CDH13: variants seen among roughly 807,000 people sequenced by gnomAD.
CDH13 encodes cadherin 13, also known as cadherin-13.
Under a neutral mutation model 63.8 loss-of-function variants are expected in CDH13, and 24 were observed. The observed-to-expected ratio is 0.38, with a 90% CI of 0.27 to 0.53. CDH13 has a LOEUF of 0.53. CDH13 is among the 20% of genes least tolerant of loss of function. The pLI is 0.85. For missense variants in CDH13, 1,049 were observed against 903.1 expected (o/e 1.16, Z -2.07); for synonymous variants, 503 against 355.3 (o/e 1.42, Z -4.67).
At chr16:83,219,857 T>G (rs1326155262) in intron 5 of CDH13, among the ~76,000 whole-genome samples, 1 of 152,210 alleles carries the variant, frequency 6.6e-6, no homozygotes, top group Non-Finnish European at 1.5e-5. Context: ...TCATGTATCT[T>G]TTATTCTAGT....
chr16:83,284,184 T>C (rs1486357016), intron 5 of CDH13, among the ~76,000 whole-genome samples: 2 of 152,300 alleles, frequency 1.3e-5, no homozygotes, highest in South Asian at 2.1e-4. Context: ...TGGGGAAGTG[T>C]TGGACTTTGG....
At chr16:83,219,611 G>T (rs190509022) in intron 5 of CDH13, among the ~76,000 whole-genome samples, 2 of 152,270 alleles carry the variant, frequency 1.3e-5, no homozygotes, top group Non-Finnish European at 2.9e-5. Flanking sequence ...GTGAAGGAAG[G>T]TAAGTGAAAA....
At chr16:83,084,257 G>C (rs1318718624) in intron 3 of CDH13, among the ~76,000 whole-genome samples, 1 of 152,178 alleles carries the variant, frequency 6.6e-6, no homozygotes, top group African/African-American at 2.4e-5. Flanking sequence ...ATTTAGCAAG[G>C]GGTAGTCTGG....
intron 1 of CDH13, among the ~76,000 whole-genome samples, chr16:82,832,910 G>A (rs2038608329): frequency 6.6e-6 from 1 of 152,242 alleles, no homozygotes; most frequent in South Asian, 2.1e-4. Flanking sequence ...GGCAGCAGAT[G>A]CTTAAGAGGC....
At chr16:83,049,428 G>A (rs994108677) in intron 3 of CDH13, among the ~76,000 whole-genome samples, 6 of 146,202 alleles carry the variant, frequency 4.1e-5, no homozygotes, top group Non-Finnish European at 8.9e-5. Context: ...TCCACCTCCT[G>A]GGTTCAGGCC....
At chr16:82,706,144 C>T (rs560269478) in intron 1 of CDH13, among the ~76,000 whole-genome samples, 1 of 152,058 alleles carries the variant, frequency 6.6e-6, no homozygotes, top group East Asian at 1.9e-4. Context: ...CTTTCCCTTT[C>T]TTTCCGCCTC....
At chr16:83,660,428 C>G (rs1484790790) in intron 8 of CDH13, among the ~76,000 whole-genome samples, 1 of 152,156 alleles carries the variant, frequency 6.6e-6, no homozygotes, top group Non-Finnish European at 1.5e-5. Context: ...CTATGAGAAT[C>G]TAATGCCACC....
intron 1 of CDH13, among the ~76,000 whole-genome samples, chr16:82,807,966 T>C (rs1486669777): frequency 1.3e-5 from 2 of 152,188 alleles, no homozygotes; most frequent in Non-Finnish European, 2.9e-5. Context: ...GGTCAACTTA[T>C]TAACGAGAGA....
At chr16:83,318,091 G>A (rs914929501) in intron 5 of CDH13, among the ~76,000 whole-genome samples, 3 of 152,178 alleles carry the variant, frequency 2.0e-5, no homozygotes, top group Admixed American at 6.5e-5. Flanking sequence ...CTATCCCATA[G>A]AGTAACTAGA....
In CDH13 at chr16:83,576,315, T is replaced by C. The variant is rs550793146; in HGVS notation, c.961-26139T>C. ...CTTAGCATAATGTTTTCAAGGTTCTTCCATGTTGTAGCATGCATCAGTATT... is the reference window on the plus strand; with the variant it reads ...CTTAGCATAATGTTTTCAAGGTTCTCCCATGTTGTAGCATGCATCAGTATT... On this transcript the variant is annotated intron_variant, in intron 7 of 13. Transcript: ENST00000567109. 2.1e-4 allele frequency among the ~76,000 whole-genome samples: 32 copies of C among 152,358 alleles called. 1 individual carries two copies. In the South Asian group the frequency reaches 6.6e-3, roughly 32 times the overall value.
At chr16:82,699,821 AAT>A (rs1295764149) in intron 1 of CDH13, among the ~76,000 whole-genome samples, 1 of 152,238 alleles carries the variant, frequency 6.6e-6, no homozygotes, top group Non-Finnish European at 1.5e-5. Flanking sequence ...TTGAGAGAGG[AAT>A]GTCCCATCTA....
At chr16:82,632,677 G>A (rs1022526306) in intron 1 of CDH13, among the ~76,000 whole-genome samples, 2 of 152,180 alleles carry the variant, frequency 1.3e-5, no homozygotes, top group African/African-American at 2.4e-5. Context: ...GACCGGTTTC[G>A]TGGAAGACAA....
intron 5 of CDH13, among the ~76,000 whole-genome samples, chr16:83,294,447 G>C (rs1467566084): frequency 2.0e-5 from 3 of 152,034 alleles, no homozygotes; most frequent in Non-Finnish European, 4.4e-5. Flanking sequence ...CACTACTTCT[G>C]TGAGCTCAAC....
intron 10 of CDH13, among the ~76,000 whole-genome samples, chr16:83,685,776 G>A (rs1303021850): frequency 2.0e-5 from 3 of 152,178 alleles, no homozygotes; most frequent in African/African-American, 4.8e-5. Context: ...CACCATGCCC[G>A]GCTGACTTTC....
chr16:82,986,822 C>A (rs1171744290), intron 2 of CDH13, among the ~76,000 whole-genome samples: 1 of 152,208 alleles, frequency 6.6e-6, no homozygotes, highest in South Asian at 2.1e-4. Context: ...GACCATATCT[C>A]ATTCTGTCAT....
chr16:83,220,735 T>G (rs999764210), intron 5 of CDH13, among the ~76,000 whole-genome samples: 2 of 151,780 alleles, frequency 1.3e-5, no homozygotes, highest in African/African-American at 2.4e-5. Flanking sequence ...CCAATGTTTC[T>G]GTTGTTTAAA....
chr16:82,913,285 G>A (rs560960308), intron 2 of CDH13, among the ~76,000 whole-genome samples: 2 of 152,150 alleles, frequency 1.3e-5, no homozygotes, highest in Admixed American at 6.5e-5. Context: ...TCGATGCTGC[G>A]TTGTTCTGGG....
intron 2 of CDH13, among the ~76,000 whole-genome samples, chr16:83,010,149 A>AAAAAAAAAAC (rs1913986009): frequency 6.7e-6 from 1 of 148,548 alleles, no homozygotes; most frequent in Non-Finnish European, 1.5e-5. Context: ...AAAAAAAAAA[A>AAAAAAAAAAC]AAAAAAAAAA....
chr16:82,933,513 C>A (rs1180036145), intron 2 of CDH13, among the ~76,000 whole-genome samples: 4 of 152,136 alleles, frequency 2.6e-5, no homozygotes, highest in Admixed American at 1.3e-4. Flanking sequence ...CTGCCACTTG[C>A]CCCTCTCAAA....
Sources: allele counts gnomAD v4.1 joint callset (sites outside exome capture counted in the v4.1 genomes callset), GRCh38; gene constraint gnomAD v4.1.1; transcripts MANE v1.5; gene names NCBI Gene and HGNC (gene_info 2026-07-23, HGNC 2026-07-21).